Variants in LRTM2 observed in about 807,000 individuals in gnomAD.
LRTM2 encodes leucine rich repeat transmembrane protein 2.
LRTM2 carries 18 observed loss-of-function variants against 28.1 expected under a neutral mutation model. That is an observed-to-expected ratio of 0.64 (90% confidence interval 0.44 to 0.95). LRTM2 has a LOEUF of 0.95. Ranked by LOEUF, LRTM2 falls within the 40% of genes least tolerant of loss-of-function variation. The pLI, the probability that LRTM2 is intolerant of heterozygous loss-of-function variation, is 0.00. For missense variants in LRTM2, 436 were observed against 497.2 expected (o/e 0.88, Z 1.17); for synonymous variants, 250 against 218.7 (o/e 1.14, Z -1.26).
rs1454789353 is a variant in LRTM2, at chr12:1,828,102, T to G, written c.-47T>G. The G allele has an allele frequency of 4.8e-6, 7 of 1,471,298 alleles. No homozygotes were observed. The highest frequency in any genetic ancestry group is 6.3e-6 in the Non-Finnish European group (7 of 1,106,312). The allele number at this position is 1,471,298 out of a possible 1,614,324, so 91.1% of individuals were successfully genotyped here. A position where few individuals can be genotyped will look rare whatever the true frequency, so the allele number is the denominator to read the frequency against. On this transcript the variant is annotated 5_prime_UTR_variant, in exon 3 of 5. Transcript: ENST00000299194. This position sits in a 1 kb window ranked among gnomAD's most constrained non-coding sequence, Gnocchi z 4.2. Reference sequence around the variant, plus strand: ...ACTGACAGGCGGCGCACCCAGGGGCTCCTCTCTCCCCAGAGCGACAGGGCC... The same window carrying G: ...ACTGACAGGCGGCGCACCCAGGGGCGCCTCTCTCCCCAGAGCGACAGGGCC...
In LRTM2 at chr12:1,835,862, ACT is replaced by A. The variant is rs1235962901; in HGVS notation, c.*1144_*1145del. On this transcript the variant is annotated 3_prime_UTR_variant, in exon 5 of 5. Coordinates refer to ENST00000299194, the MANE Select transcript of LRTM2 (RefSeq NM_001039029.3). ...CCACAGCCTGCAGCCTGGCACCGTG[ACT>A]CTGTGCCTCTCGCCCTCCATCTTCA... The A allele has an allele frequency of 5.3e-5, 8 of 152,316 alleles. No homozygotes were observed. Among genetic ancestry groups the A allele is most frequent in the African/African-American group, 1.9e-4 (8 of 41,354 alleles). The allele number at this position is 152,316 out of a possible 1,614,324, so 9.4% of individuals were successfully genotyped here.
In LRTM2 at chr12:1,828,363, G is replaced by A; in HGVS notation, c.67+148G>A. Reference sequence around the variant, plus strand: ...CCTGGGGTACCCGAGGCTATGTTCTGGGAAGCCAGGGTCACGCCCACGGTG... The same window carrying A: ...CCTGGGGTACCCGAGGCTATGTTCTAGGAAGCCAGGGTCACGCCCACGGTG... On this transcript the variant is annotated intron_variant, in intron 3 of 4. Transcript: ENST00000299194. The surrounding 1 kb of genome is among the most constrained non-coding windows in gnomAD (Gnocchi z 4.2). 1 of 674,390 alleles carries A rather than the reference G, an allele frequency of 1.5e-6. No individual in the cohort carries two copies. 41.8% of individuals were successfully genotyped at this position (674,390 alleles called of 1,614,324 possible).
In LRTM2 at chr12:1,833,291, C is replaced by T. The variant is rs954683494; in HGVS notation, c.659-976C>T. 5.3e-5 allele frequency among the ~76,000 whole-genome samples: 8 copies of T among 152,112 alleles called. No individual in the cohort carries two copies. Among genetic ancestry groups the T allele is most frequent in the African/African-American group, 1.2e-4 (5 of 41,410 alleles). On this transcript the variant is annotated intron_variant, in intron 4 of 4. Transcript: ENST00000299194. The surrounding 1 kb of genome is among the most constrained non-coding windows in gnomAD (Gnocchi z 4.2). ...GGAGTGGCTGCAGCCCGCATCTTTT[C>T]GGCAGGGGGTCTAGTGCCTGCATCC... is the stretch of plus-strand genomic sequence containing the variant.
At position 1,833,498 on chromosome 12, in the gene LRTM2, C is replaced by A. The variant is rs1864720371; in HGVS notation, c.659-769C>A. ...AAGACATCCTGGCGAGCCCGTGCGC[C>A]CAGGTACCCACACCTCCTCATCAAC... is the stretch of plus-strand genomic sequence containing the variant. On this transcript the variant is annotated intron_variant, in intron 4 of 4. Coordinates refer to ENST00000299194, the MANE Select transcript of LRTM2 (RefSeq NM_001039029.3). The surrounding 1 kb of genome is among the most constrained non-coding windows in gnomAD (Gnocchi z 4.2). Among the ~76,000 whole-genome samples the A allele has an allele frequency of 6.6e-6, 1 of 152,166 alleles. No homozygotes were observed. Among genetic ancestry groups the A allele is most frequent in the African/African-American group, 2.4e-5 (1 of 41,424 alleles).
chr12:1,828,080 G>T lies in LRTM2; in HGVS notation c.-69G>T. On this transcript the variant is annotated 5_prime_UTR_variant, in exon 3 of 5. An upstream open reading frame in the 5' UTR loses its in-frame stop. Transcript: ENST00000299194. The surrounding 1 kb of genome is among the most constrained non-coding windows in gnomAD (Gnocchi z 4.2). ...CAGTGCTCCTCCCTCCCTCAGGACTGACAGGCGGCGCACCCAGGGGCTCCT... is the reference window on the plus strand; with the variant it reads ...CAGTGCTCCTCCCTCCCTCAGGACTTACAGGCGGCGCACCCAGGGGCTCCT... 1.4e-6 allele frequency: 2 copies of T among 1,420,414 alleles called. No individual in the cohort carries two copies. Among genetic ancestry groups the T allele is most frequent in the South Asian group, 2.9e-5 (2 of 69,250 alleles). The allele number at this position is 1,420,414 out of a possible 1,614,324, so 88.0% of individuals were successfully genotyped here.
At position 1,833,736 on chromosome 12, in the gene LRTM2, G is replaced by A. The variant is rs766091946; in HGVS notation, c.659-531G>A. The stretch of plus-strand genomic sequence containing the variant: ...AAAAGGTCTTGCGTGGAGGGGCAGC[G>A]GCAGGGGCAGTGGGTTTTGACTGCT... On this transcript the variant is annotated intron_variant, in intron 4 of 4. Coordinates refer to ENST00000299194, the MANE Select transcript of LRTM2 (RefSeq NM_001039029.3). This position sits in a 1 kb window ranked among gnomAD's most constrained non-coding sequence, Gnocchi z 4.2. Among the ~76,000 whole-genome samples, 3 of 152,216 alleles carry A rather than the reference G, an allele frequency of 2.0e-5. No homozygotes were observed. Among genetic ancestry groups the A allele is most frequent in the South Asian group, 2.1e-4 (1 of 4,832 alleles).
At position 1,831,284 on chromosome 12, in the gene LRTM2, G is replaced by C; in HGVS notation, c.417G>C (p.Ser139=). The C allele has an allele frequency of 1.2e-6, 2 of 1,613,634 alleles. No individual in the cohort carries two copies. Among genetic ancestry groups the C allele is most frequent in the East Asian group, 4.5e-5 (2 of 44,876 alleles). The change falls in exon 4 of 5, where the codon TCG becomes TCC. Residue 139 remains serine, a synonymous_variant. Coordinates refer to ENST00000299194, the MANE Select transcript of LRTM2 (RefSeq NM_001039029.3). ...RTLDRDLLRH[S]PLLRHLDLSI... is the part of the protein sequence containing the mutation. ...TGGACAGGGACCTGCTGCGGCACTC[G>C]CCGCTGCTCCGCCACCTGGACCTGT...
At position 1,833,719 on chromosome 12, in the gene LRTM2, T is replaced by G. The variant is rs1266440778; in HGVS notation, c.659-548T>G. ...CCCATTCTTAGGCAACCAAAAGGTC[T>G]TGCGTGGAGGGGCAGCGGCAGGGGC... is the stretch of plus-strand genomic sequence containing the variant. On this transcript the variant is annotated intron_variant, in intron 4 of 4. Transcript: ENST00000299194. The surrounding 1 kb of genome is among the most constrained non-coding windows in gnomAD (Gnocchi z 4.2). Among the ~76,000 whole-genome samples the G allele has an allele frequency of 6.6e-6, 1 of 152,222 alleles. No individual in the cohort carries two copies. Among genetic ancestry groups the G allele is most frequent in the Non-Finnish European group, 1.5e-5 (1 of 68,028 alleles).
chr12:1,834,314 G>T lies in LRTM2; in HGVS notation c.706G>T (p.Gly236Trp). ...LACTLPKELR[G>W]KDMRMVPMEM... ...CTGCACCCTGCCCAAGGAGCTGAGG[G>T]GGAAGGACATGCGGATGGTCCCCAT... is the stretch of plus-strand genomic sequence containing the variant. Residue 236 changes from glycine to tryptophan, a missense_variant, in exon 5 of 5, where the codon GGG (glycine) becomes TGG (tryptophan). Transcript: ENST00000299194. This position sits in a 1 kb window ranked among gnomAD's most constrained non-coding sequence, Gnocchi z 7.6. The T allele has an allele frequency of 6.2e-7, 1 of 1,608,490 alleles. No individual in the cohort carries two copies. The highest frequency in any genetic ancestry group is 8.5e-7 in the Non-Finnish European group (1 of 1,177,054).
chr12:1,825,029 T>G (rs1221500360), intron 1 of LRTM2, among the ~76,000 whole-genome samples: 1 of 152,212 alleles, frequency 6.6e-6, no homozygotes, highest in East Asian at 1.9e-4. Context: ...TTTCATCACA[T>G]TTCTCTAAAC....
chr12:1,832,403 A>T (rs1180402796), intron 4 of LRTM2, among the ~76,000 whole-genome samples: 1 of 152,248 alleles, frequency 6.6e-6, no homozygotes, highest in African/African-American at 2.4e-5. Flanking sequence ...GTGAGTCCTC[A>T]ATAAAACGTC....
rs58684978 is a variant in LRTM2, at chr12:1,829,205, T to C, written c.67+990T>C. Among the ~76,000 whole-genome samples, 4 of 152,338 alleles carry C rather than the reference T, an allele frequency of 2.6e-5. No homozygotes were observed. Among genetic ancestry groups the C allele is most frequent in the East Asian group, 1.9e-4 (1 of 5,170 alleles). The stretch of plus-strand genomic sequence containing the variant: ...GAGTCGCTCTTCCGCAGCGGCTCTC[T>C]TAGCCTGCTGTCAGGCCCTTCTCTG... On this transcript the variant is annotated intron_variant, in intron 3 of 4. Coordinates refer to ENST00000299194, the MANE Select transcript of LRTM2 (RefSeq NM_001039029.3). The surrounding 1 kb of genome is among the most constrained non-coding windows in gnomAD (Gnocchi z 4.2).
chr12:1,831,552 C>T (rs1864631093), intron 4 of LRTM2, 27 bp downstream of exon 4: 3 of 1,580,596 alleles, frequency 1.9e-6, no homozygotes, highest in Non-Finnish European at 2.6e-6. Context: ...CTGCTGGGGC[C>T]CGAGGGATTG....
At chr12:1,825,742 T>C (rs1437529725) in intron 1 of LRTM2, among the ~76,000 whole-genome samples, 2 of 152,180 alleles carry the variant, frequency 1.3e-5, no homozygotes, top group Admixed American at 6.5e-5. Flanking sequence ...CCCTGCTCTG[T>C]GCACACGTAA....
In LRTM2 at chr12:1,836,079, G is replaced by A. The variant is rs980982377; in HGVS notation, c.*1358G>A. The A allele has an allele frequency of 6.6e-6, 1 of 152,274 alleles. No homozygotes were observed. The highest frequency in any genetic ancestry group is 1.5e-5 in the Non-Finnish European group (1 of 68,086). 9.4% of individuals were successfully genotyped at this position (152,274 alleles called of 1,614,324 possible). On this transcript the variant is annotated 3_prime_UTR_variant, in exon 5 of 5. Transcript: ENST00000299194. ...CGTGCTGCCCAGAGGCTCCCAGGAT[G>A]GGGCCTCTGTTCCCGGGCTTTGTCT...
At chr12:1,825,357 G>A (rs540770826) in intron 1 of LRTM2, among the ~76,000 whole-genome samples, 2 of 152,368 alleles carry the variant, frequency 1.3e-5, no homozygotes, top group Non-Finnish European at 2.9e-5. Context: ...CCTGCGGCAA[G>A]CCAGAAGGAG....
chr12:1,828,268 G>A lies in LRTM2; in HGVS notation c.67+53G>A. On this transcript the variant is annotated intron_variant, in intron 3 of 4. Transcript: ENST00000299194. This position sits in a 1 kb window ranked among gnomAD's most constrained non-coding sequence, Gnocchi z 4.2. ...GGTGCGGGTTGGGTGGGGGTGCCGA[G>A]GTGACTGTAGGTAGCGCCATATGGG... The A allele has an allele frequency of 6.9e-7, 1 of 1,449,672 alleles. No individual in the cohort carries two copies. The highest frequency in any genetic ancestry group is 9.3e-7 in the Non-Finnish European group (1 of 1,075,038). The allele number at this position is 1,449,672 out of a possible 1,614,324, so 89.8% of individuals were successfully genotyped here.
chr12:1,832,976 G>A (rs1362221272), intron 4 of LRTM2, among the ~76,000 whole-genome samples: 4 of 152,204 alleles, frequency 2.6e-5, no homozygotes, highest in Admixed American at 2.6e-4. Flanking sequence ...GTGTTCCTGG[G>A]ATGTGAGGTT....
At chr12:1,824,800 G>A (rs891769058) in intron 1 of LRTM2, among the ~76,000 whole-genome samples, 1 of 152,210 alleles carries the variant, frequency 6.6e-6, no homozygotes, top group Non-Finnish European at 1.5e-5. Context: ...TTGGTAGGCA[G>A]AGGCTAAGGA....
Sources: gnomAD v4.1 joint callset for allele counts (sites outside exome capture counted in the v4.1 genomes callset) on GRCh38, gnomAD v4.1.1 for gene constraint, Gnocchi (gnomAD v3.1) non-coding constraint, MANE v1.5 for transcripts, NCBI Gene and HGNC (gene_info 2026-07-23, HGNC 2026-07-21) for gene names.